Variants in ADAM28 observed in about 807,000 individuals in gnomAD.
The protein encoded by ADAM28 is ADAM metallopeptidase domain 28, also known as disintegrin and metalloproteinase domain-containing protein 28.
ADAM28 carries 105 observed loss-of-function variants against 101.2 expected under a neutral mutation model. The observed-to-expected ratio is 1.04, with a 90% CI of 0.89 to 1.22. The LOEUF is 1.22. ADAM28 is among the 50% of genes most tolerant of loss of function. ADAM28 has a pLI of 0.00. For synonymous variants in ADAM28, 322 were observed against 310.6 expected (o/e 1.04, Z -0.39); for missense variants, 1,028 against 945.4 (o/e 1.09, Z -1.15).
chr8:24,317,754 G>T (rs1461314215), intron 6 of ADAM28, among the ~76,000 whole-genome samples: 7 of 151,914 alleles, frequency 4.6e-5, no homozygotes, highest in Non-Finnish European at 1.0e-4. Flanking sequence ...AAAAAAGGGG[G>T]TGAGGGTGAG....
At chr8:24,329,884 TGTGAGAGAGAGA>T (rs1193146962) in intron 10 of ADAM28, 89 bp from the exon 11 acceptor site, 585 of 710,548 alleles carry the variant, frequency 8.2e-4, no homozygotes, top group African/African-American at 2.5e-3. Flanking sequence ...TGTGTGTGTG[TGTGAGAGAGAGA>T]GAGAGAGAGA....
At chr8:24,303,191 G>C (rs1348363508) in intron 2 of ADAM28, among the ~76,000 whole-genome samples, 3 of 152,132 alleles carry the variant, frequency 2.0e-5, no homozygotes, top group African/African-American at 7.2e-5. Context: ...AATTGCTTTT[G>C]ATGATTTGTC....
intron 5 of ADAM28, 127 bp from the exon 6 acceptor site, chr8:24,313,261 G>A: frequency 2.5e-6 from 2 of 798,184 alleles, no homozygotes. Flanking sequence ...GTATTTTATT[G>A]CCATGAGCTT....
At chr8:24,307,551 T>G (rs957592542) in intron 2 of ADAM28, among the ~76,000 whole-genome samples, 14 of 152,176 alleles carry the variant, frequency 9.2e-5, no homozygotes, top group African/African-American at 3.1e-4. Flanking sequence ...TTTATATGAA[T>G]GACATAAGGA....
At chr8:24,297,852 T>A (rs909411073) in intron 1 of ADAM28, among the ~76,000 whole-genome samples, 1 of 152,226 alleles carries the variant, frequency 6.6e-6, no homozygotes, top group Non-Finnish European at 1.5e-5. Context: ...CTTTAGGTTT[T>A]TGAACTTATG....
chr8:24,295,554 G>A (rs1218632873), intron 1 of ADAM28, among the ~76,000 whole-genome samples: 1 of 151,966 alleles, frequency 6.6e-6, no homozygotes, highest in Non-Finnish European at 1.5e-5. Flanking sequence ...AACTGCTTGG[G>A]CACTAGCTTA....
chr8:24,336,171 G>T, intron 14 of ADAM28: 1 of 985,002 alleles, frequency 1.0e-6, no homozygotes, highest in Non-Finnish European at 1.2e-6. Context: ...GTTCTTAAAT[G>T]GTCGCTTTGT....
chr8:24,342,028 G>A (rs1814837712), intron 16 of ADAM28, among the ~76,000 whole-genome samples: 1 of 152,150 alleles, frequency 6.6e-6, no homozygotes, highest in South Asian at 2.1e-4. Flanking sequence ...ATTTCAAGAA[G>A]AGTATCATAT....
intron 10 of ADAM28, 55 bp from the exon 11 acceptor site, chr8:24,329,930 G>A: frequency 1.3e-6 from 2 of 1,554,786 alleles, no homozygotes; most frequent in Non-Finnish European, 1.8e-6. Flanking sequence ...CAAGTAGAGT[G>A]ATGTATAATT....
chr8:24,321,312 C>T (rs765939506), intron 8 of ADAM28, 23 bp downstream of exon 8: 1 of 1,521,934 alleles, frequency 6.6e-7, no homozygotes, highest in Non-Finnish European at 9.1e-7. Context: ...TTATTACCTG[C>T]AGTTTTAAAC....
Position 24,348,271 on chromosome 8 carries a change from C to T in ADAM28, c.1991-1593C>T, listed in dbSNP as rs115652781. Among the ~76,000 whole-genome samples the T allele has an allele frequency of 9.2e-3, 1,401 of 152,124 alleles. 23 individuals are homozygous for T. The highest frequency in any genetic ancestry group is 0.032 in the African/African-American group (1,334 of 41,510). On this transcript the variant is annotated intron_variant, in intron 18 of 22. Transcript: ENST00000265769. ...TTGTAGAGCAGTTTTGGGTTCACAGCGAAATTGAAGAGAAAGAACAGACAG... is the reference window on the plus strand; with the variant it reads ...TTGTAGAGCAGTTTTGGGTTCACAGTGAAATTGAAGAGAAAGAACAGACAG...
chr8:24,332,408 C>G (rs973384551), intron 12 of ADAM28, among the ~76,000 whole-genome samples: 2 of 152,072 alleles, frequency 1.3e-5, no homozygotes, highest in African/African-American at 4.8e-5. Context: ...AAGAATAGAT[C>G]TTTCCTTAAT....
chr8:24,341,542 G>A (rs1332874993), intron 15 of ADAM28, 56 bp from the exon 16 acceptor site: 1 of 1,549,576 alleles, frequency 6.5e-7, no homozygotes, highest in South Asian at 1.1e-5. Flanking sequence ...TAGTCCTAGA[G>A]CATTTATGTA....
At chr8:24,311,530 T>C in intron 5 of ADAM28, 93 bp downstream of exon 5, 1 of 971,448 alleles carries the variant, frequency 1.0e-6, no homozygotes, top group Non-Finnish European at 1.5e-6. Context: ...TCATTAATTT[T>C]TATATAGTTG....
Position 24,354,494 on chromosome 8 carries a change from C to A in ADAM28, c.*90C>A. On this transcript the variant is annotated 3_prime_UTR_variant, in exon 23 of 23. Transcript: ENST00000265769. ...CAGAGAAATATACTATCTATCTCAC[C>A]AGTATTTGCTCTCGACTCAAGAAGG... is the stretch of plus-strand genomic sequence containing the variant. The A allele has an allele frequency of 7.3e-7, 1 of 1,361,358 alleles. No individual in the cohort carries two copies. Among genetic ancestry groups the A allele is most frequent in the Non-Finnish European group, 1.0e-6 (1 of 992,594 alleles). 84.3% of individuals were successfully genotyped at this position (1,361,358 alleles called of 1,614,324 possible).
chr8:24,321,343 T>C, intron 8 of ADAM28, 54 bp downstream of exon 8: 2 of 1,412,918 alleles, frequency 1.4e-6, no homozygotes, highest in Non-Finnish European at 1.0e-6. Context: ...GAGATGTCAC[T>C]GGGTTTTTCA....
At chr8:24,344,850 A>AGAAAGTTT (rs1166104852) in intron 18 of ADAM28, among the ~76,000 whole-genome samples, 1 of 152,134 alleles carries the variant, frequency 6.6e-6, no homozygotes, top group East Asian at 1.9e-4. Context: ...GTAACAATGC[A>AGAAAGTTT]TCCACATAAA....
At chr8:24,335,664 CT>C in intron 14 of ADAM28, 23 bp downstream of exon 14, 1 of 1,564,494 alleles carries the variant, frequency 6.4e-7, no homozygotes. Flanking sequence ...ATCCTTTCCC[CT>C]GTGCATGTGC....
chr8:24,353,891 GA>G, intron 22 of ADAM28, 59 bp downstream of exon 22: 1 of 1,213,116 alleles, frequency 8.2e-7, no homozygotes, highest in Non-Finnish European at 1.2e-6. Context: ...ACTGTCAAGA[GA>G]AGGCCCACCA....
Sources: gnomAD v4.1 joint callset for allele counts (sites outside exome capture counted in the v4.1 genomes callset) on GRCh38, gnomAD v4.1.1 for gene constraint, MANE v1.5 for transcripts, NCBI Gene and HGNC (gene_info 2026-07-23, HGNC 2026-07-21) for gene names.